The following TENM2 variants were observed in gnomAD, a reference collection of about 807,000 sequenced individuals.
TENM2 encodes the protein teneurin-2.
A neutral mutation model predicts 245.2 loss-of-function variants in TENM2; 52 were observed. The observed-to-expected ratio is 0.21, with a 90% confidence interval of 0.17 to 0.27. The LOEUF (loss-of-function observed/expected upper bound fraction) is 0.27, where lower values mean the gene tolerates loss of function less well. Among genes scored for constraint, TENM2 ranks in the 10% least tolerant of loss-of-function variants. The pLI is 1.00. For synonymous variants in TENM2, 1,363 were observed against 1,438.9 expected, an observed-to-expected ratio of 0.95 and a Z score of 1.19; for missense variants, 3,046 against 3,666.8, an observed-to-expected ratio of 0.83 and a Z score of 4.37.
At chr5:167,539,215 A>C (rs1056219821) in intron 2 of TENM2, among the ~76,000 whole-genome samples, 4 of 152,164 alleles carry the variant, frequency 2.6e-5, no homozygotes, top group African/African-American at 9.6e-5. Flanking sequence ...GTGTGCTTTC[A>C]TTTGAGAAAT....
the TENM2 span, among the ~76,000 whole-genome samples, chr5:167,176,029 AATC>A: frequency 5.5e-3 from 835 of 152,262 alleles, 9 homozygotes; most frequent in African/African-American, 0.019. Flanking sequence ...GTCTTTCTCA[AATC>A]AAAACCTTTC....
chr5:167,428,966 A>G (rs1158129790), intron 2 of TENM2, among the ~76,000 whole-genome samples: 2 of 152,188 alleles, frequency 1.3e-5, no homozygotes, highest in African/African-American at 2.4e-5. Context: ...TTCATCAGTA[A>G]CATCCTAATG....
rs531417487 is a variant in TENM2, at chr5:168,027,833, C to T, written c.1187-19594C>T. ...TTGTTTTCCCCTGTGTGGAATGTTCCAGTAGCAACTGTTTGTTCTTCCTGT... is the reference window on the plus strand; with the variant it reads ...TTGTTTTCCCCTGTGTGGAATGTTCTAGTAGCAACTGTTTGTTCTTCCTGT... On this transcript the variant is annotated intron_variant, in intron 5 of 28. Transcript: ENST00000518659. Among the ~76,000 whole-genome samples the T allele has an allele frequency of 3.9e-5, 6 of 152,220 alleles. No individual in the cohort carries two copies. In the South Asian group the frequency reaches 1.2e-3, roughly 32 times the overall value.
intron 3 of TENM2, among the ~76,000 whole-genome samples, chr5:167,951,018 T>G (rs1400386337): frequency 6.6e-6 from 1 of 152,222 alleles, no homozygotes; most frequent in Non-Finnish European, 1.5e-5. Context: ...AGCCTAGAGA[T>G]GCGAACTTCA....
In TENM2 at chr5:167,787,610, G is replaced by A. The variant is rs532909992; in HGVS notation, c.503-88376G>A. Among the ~76,000 whole-genome samples, 77 of 152,278 alleles carry A rather than the reference G, an allele frequency of 5.1e-4. 1 individual carries two copies. The highest frequency in any genetic ancestry group is 1.8e-3 in the African/African-American group (76 of 41,560). ...GCAGAGAAAAGGCTTTCCTTTTCCA[G>A]TGATTCCAACAAACACCCTGTCACT... On this transcript the variant is annotated intron_variant, in intron 2 of 28. Transcript: ENST00000518659.
the TENM2 span, among the ~76,000 whole-genome samples, chr5:167,277,067 T>G: frequency 2.0e-5 from 3 of 152,146 alleles, no homozygotes; most frequent in Admixed American, 1.3e-4. Context: ...AAACAACTTT[T>G]TAATTGTTTT....
intron 2 of TENM2, among the ~76,000 whole-genome samples, chr5:167,807,632 A>T (rs201549085): frequency 6.7e-6 from 1 of 148,222 alleles, no homozygotes; most frequent in Admixed American, 6.7e-5. Context: ...TTTAAAAAAA[A>T]AAAAAAAGAG....
chr5:167,754,440 T>G (rs1258884304), intron 2 of TENM2, among the ~76,000 whole-genome samples: 1 of 152,190 alleles, frequency 6.6e-6, no homozygotes, highest in Admixed American at 6.5e-5. Flanking sequence ...ATCTCGTCCT[T>G]CTGGATTTTA....
rs575398715 is a variant in TENM2, at chr5:167,319,530, G to C, written c.226+34467G>C. ...AGCCAACAAATGATTTAGAATCACA[G>C]ATGGTTAATACTAGGAGGAAAATAA... is the stretch of plus-strand genomic sequence containing the variant. On this transcript the variant is annotated intron_variant, in intron 1 of 28. Coordinates refer to ENST00000518659, the Ensembl canonical transcript of TENM2. Among the ~76,000 whole-genome samples, 26 of 152,256 alleles carry C rather than the reference G, an allele frequency of 1.7e-4. No individual in the cohort carries two copies. In the South Asian group the frequency reaches 3.9e-3, roughly 23 times the overall value.
intron 5 of TENM2, among the ~76,000 whole-genome samples, chr5:168,043,239 CTTTT>C (rs113155634): frequency 6.9e-6 from 1 of 143,900 alleles, no homozygotes; most frequent in African/African-American, 2.5e-5. Flanking sequence ...TCTCAGCTTT[CTTTT>C]TTTTTTTTTA....
At chr5:167,612,161 C>T (rs1243040666) in intron 2 of TENM2, among the ~76,000 whole-genome samples, 1 of 152,036 alleles carries the variant, frequency 6.6e-6, no homozygotes, top group African/African-American at 2.4e-5. Flanking sequence ...TGACTCTGTT[C>T]TCGTCTTTTG....
intron 2 of TENM2, among the ~76,000 whole-genome samples, chr5:167,854,153 A>T (rs1770855496): frequency 6.6e-6 from 1 of 152,224 alleles, no homozygotes; most frequent in African/African-American, 2.4e-5. Flanking sequence ...TGCTGTATTA[A>T]TATTTCAGCA....
chr5:168,012,793 A>C (rs1421036565), intron 5 of TENM2, among the ~76,000 whole-genome samples: 3 of 151,226 alleles, frequency 2.0e-5, no homozygotes, highest in Non-Finnish European at 4.4e-5. Context: ...AAAAAAAAAA[A>C]AAAACCCTAA....
At chr5:167,404,378 T>C (rs1762517595) in intron 2 of TENM2, among the ~76,000 whole-genome samples, 1 of 152,002 alleles carries the variant, frequency 6.6e-6, no homozygotes, top group Non-Finnish European at 1.5e-5. Flanking sequence ...GATCAGAAGA[T>C]TCTTCATAAC....
At chr5:167,057,111 C>T in the TENM2 span, among the ~76,000 whole-genome samples, 3 of 152,116 alleles carry the variant, frequency 2.0e-5, no homozygotes, top group East Asian at 3.9e-4. Flanking sequence ...TGTGTCCAGT[C>T]TACTAATGGG....
chr5:167,324,034 G>T (rs897035332), intron 1 of TENM2, among the ~76,000 whole-genome samples: 3 of 152,164 alleles, frequency 2.0e-5, no homozygotes, highest in Admixed American at 6.5e-5. Flanking sequence ...CGTCTTAGCC[G>T]TGACCTTCAT....
At chr5:168,238,627 A>G (rs541726770) in intron 25 of TENM2, among the ~76,000 whole-genome samples, 1 of 152,346 alleles carries the variant, frequency 6.6e-6, no homozygotes, top group African/African-American at 2.4e-5. Context: ...GCCTGGAGCT[A>G]AGTTAGAGTC....
chr5:167,457,428 G>C (rs917799619), intron 2 of TENM2, among the ~76,000 whole-genome samples: 3 of 151,974 alleles, frequency 2.0e-5, no homozygotes, highest in African/African-American at 7.3e-5. Flanking sequence ...CACCTCCCGG[G>C]TTCAAGCGAT....
chr5:168,050,547 A>G (rs980216958), intron 6 of TENM2, among the ~76,000 whole-genome samples: 17 of 152,228 alleles, frequency 1.1e-4, no homozygotes, highest in African/African-American at 4.1e-4. Flanking sequence ...CACATTGCCA[A>G]GGAGGATAAT....
Sources: allele counts gnomAD v4.1 joint callset (sites outside exome capture counted in the v4.1 genomes callset), GRCh38; gene constraint gnomAD v4.1.1; transcripts MANE v1.5; gene names NCBI Gene and HGNC (gene_info 2026-07-23, HGNC 2026-07-21).